Variants in C4orf17 observed in about 807,000 individuals in gnomAD.
The protein encoded by C4orf17 is uncharacterized protein C4orf17.
C4orf17 carries 25 observed loss-of-function variants against 32.0 expected under a neutral mutation model. The ratio of observed to expected loss-of-function variants is 0.78; its 90% CI spans 0.57 to 1.09. C4orf17 has a LOEUF of 1.09. Ranked by LOEUF, C4orf17 falls within the 50% of genes least tolerant of loss-of-function variation. The pLI, the probability that C4orf17 is intolerant of heterozygous loss-of-function variation, is 0.00. For missense variants in C4orf17, 420 were observed against 420.0 expected (o/e 1.00, Z 0.00); for synonymous variants, 149 against 145.8 (o/e 1.02, Z -0.16).
intron 8 of C4orf17, 134 bp from the exon 9 acceptor site, chr4:99,541,776 T>C: frequency 1.5e-6 from 1 of 662,778 alleles, no homozygotes; most frequent in Non-Finnish European, 2.6e-6. Context: ...AATATATTCT[T>C]TTGTGAATTT....
At chr4:99,523,504 A>G (rs897668899) in intron 3 of C4orf17, among the ~76,000 whole-genome samples, 10 of 152,178 alleles carry the variant, frequency 6.6e-5, no homozygotes, top group Admixed American at 6.5e-4. Context: ...TCATCCTTTC[A>G]AGAATTTCTC....
chr4:99,540,012 T>C (rs978379576), intron 7 of C4orf17, among the ~76,000 whole-genome samples: 4 of 152,092 alleles, frequency 2.6e-5, no homozygotes, highest in African/African-American at 9.7e-5. Flanking sequence ...AGAGAAAATC[T>C]TGTTGCTTTA....
In C4orf17 at chr4:99,530,299, T is replaced by C. The variant is rs567299281; in HGVS notation, c.546+341T>C. ...TTAATGTCTTGCCGCAATCTATACA[T>C]TTACTTCTCATATTTTAAAGCATAG... On this transcript the variant is annotated intron_variant, in intron 5 of 8. Coordinates refer to ENST00000326581, the MANE Select transcript of C4orf17 (RefSeq NM_032149.3). Among the ~76,000 whole-genome samples, 112 of 152,252 alleles carry C rather than the reference T, an allele frequency of 7.4e-4. 1 individual carries two copies. The highest frequency in any genetic ancestry group is 2.0e-3 in the African/African-American group (84 of 41,570).
chr4:99,516,043 C>T (rs1723175061), intron 2 of C4orf17, among the ~76,000 whole-genome samples: 1 of 152,182 alleles, frequency 6.6e-6, no homozygotes, highest in Non-Finnish European at 1.5e-5. Context: ...GAACAAATCA[C>T]ATATCCTTTG....
chr4:99,525,102 G>A (rs1723363950), intron 4 of C4orf17, among the ~76,000 whole-genome samples: 1 of 152,098 alleles, frequency 6.6e-6, no homozygotes, highest in Admixed American at 6.5e-5. Flanking sequence ...GGACATTTAG[G>A]TCCTTCCCAA....
chr4:99,522,449 A>G (rs1268601138), intron 2 of C4orf17, 51 bp from the exon 3 acceptor site: 2 of 1,396,622 alleles, frequency 1.4e-6, no homozygotes, highest in Admixed American at 3.5e-5. Context: ...CCTTCCAAAC[A>G]TCTAATCTGG....
At chr4:99,525,842 A>G (rs1157722491) in intron 4 of C4orf17, among the ~76,000 whole-genome samples, 1 of 152,000 alleles carries the variant, frequency 6.6e-6, no homozygotes, top group Admixed American at 6.6e-5. Flanking sequence ...TAATGTTGTA[A>G]AAGTTCTTCA....
rs770638582 is a variant in C4orf17, at chr4:99,537,709, T to C, written c.587T>C (p.Leu196Pro). 4.3e-6 allele frequency: 7 copies of C among 1,612,930 alleles called. No individual in the cohort carries two copies. Among genetic ancestry groups the C allele is most frequent in the Non-Finnish European group, 5.9e-6 (7 of 1,179,866 alleles). ...TGTAGCATTTTGCATACTGATTCTC[T>C]GGCAGAAGTTTTACAGTGGCTGCTT... is the stretch of plus-strand genomic sequence containing the variant. ...KLCSILHTDS[L>P]AEVLQWLLHA... Residue 196 changes from leucine (L) to proline (P), a missense_variant, in exon 6 of 9, where the codon CTG becomes CCG. Transcript: ENST00000326581.
At chr4:99,529,561 T>C (rs1033353832) in intron 4 of C4orf17, among the ~76,000 whole-genome samples, 5 of 152,216 alleles carry the variant, frequency 3.3e-5, no homozygotes, top group Non-Finnish European at 5.9e-5. Flanking sequence ...AGGTCATACA[T>C]TGCATATTAC....
chr4:99,537,361 C>T (rs1723579114), intron 5 of C4orf17, among the ~76,000 whole-genome samples: 2 of 152,128 alleles, frequency 1.3e-5, no homozygotes, highest in African/African-American at 2.4e-5. Flanking sequence ...TTTATTCATC[C>T]GTTGTTGAGG....
At chr4:99,522,307 A>G (rs1723298833) in intron 2 of C4orf17, among the ~76,000 whole-genome samples, 193 bp from the exon 3 acceptor site, 1 of 151,746 alleles carries the variant, frequency 6.6e-6, no homozygotes, top group Non-Finnish European at 1.5e-5. Flanking sequence ...GGCCACACTG[A>G]CTTTCAAAGA....
At chr4:99,511,359 A>G (rs373579274) in intron 1 of C4orf17, 87 bp downstream of exon 1, 94 of 152,184 alleles carry the variant, frequency 6.2e-4, no homozygotes, top group African/African-American at 2.0e-3. Context: ...TCTTTTTTCA[A>G]GAGTATGTGA....
intron 2 of C4orf17, 75 bp downstream of exon 2, chr4:99,513,283 C>A: frequency 6.5e-7 from 1 of 1,543,162 alleles, no homozygotes; most frequent in Non-Finnish European, 8.9e-7. Context: ...GGCAGGTAAA[C>A]ACAACGCTGC....
chr4:99,523,297 G>T (rs1723328615), intron 3 of C4orf17, among the ~76,000 whole-genome samples: 1 of 152,142 alleles, frequency 6.6e-6, no homozygotes, highest in African/African-American at 2.4e-5. Flanking sequence ...AATTCTGCAT[G>T]GTAGAAATTA....
At chr4:99,537,874 A>T (rs1723587336) in intron 6 of C4orf17, 124 bp downstream of exon 6, 2 of 724,944 alleles carry the variant, frequency 2.8e-6, no homozygotes, top group Non-Finnish European at 2.4e-6. Context: ...TTATTTCCGC[A>T]ATGTTTCAGT....
At chr4:99,521,746 T>C (rs1343899782) in intron 2 of C4orf17, among the ~76,000 whole-genome samples, 1 of 152,212 alleles carries the variant, frequency 6.6e-6, no homozygotes, top group Non-Finnish European at 1.5e-5. Flanking sequence ...ATACCTGTCA[T>C]AACTCATTGA....
At chr4:99,536,386 G>A (rs1424771503) in intron 5 of C4orf17, among the ~76,000 whole-genome samples, 1 of 152,212 alleles carries the variant, frequency 6.6e-6, no homozygotes, top group Non-Finnish European at 1.5e-5. Flanking sequence ...GTCCCAGGGG[G>A]AGATCAGAGC....
chr4:99,530,089 C>A, intron 5 of C4orf17, 131 bp downstream of exon 5: 1 of 688,444 alleles, frequency 1.5e-6, no homozygotes, highest in African/African-American at 1.9e-5. Flanking sequence ...GACTGCTTAG[C>A]CTGAAATCCA....
At position 99,513,143 on chromosome 4, in the gene C4orf17, C is replaced by G. The variant is rs763635728; in HGVS notation, c.62C>G (p.Ala21Gly). 2 of 1,613,954 alleles carry G rather than the reference C, an allele frequency of 1.2e-6. No homozygotes were observed. Among genetic ancestry groups the G allele is most frequent in the Non-Finnish European group, 1.7e-6 (2 of 1,179,866 alleles). Residue 21 changes from alanine (A) to glycine (G), a missense_variant, in exon 2 of 9, where the codon GCT becomes GGT. Physicochemically the swap from Ala to Gly is moderately conservative, Grantham distance 60. Transcript: ENST00000326581. Reference protein sequence around the residue: ...QIEGKGSHIMARNVSCFLVRH... With the variant: ...QIEGKGSHIMGRNVSCFLVRH... ...GAGGGCAAAGGCAGCCATATTATGGCTAGAAATGTAAGCTGCTTTCTAGTC... is the reference window on the plus strand; with the variant it reads ...GAGGGCAAAGGCAGCCATATTATGGGTAGAAATGTAAGCTGCTTTCTAGTC...
Sources: gnomAD v4.1 joint callset for allele counts (sites outside exome capture counted in the v4.1 genomes callset) on GRCh38, gnomAD v4.1.1 for gene constraint, MANE v1.5 for transcripts, NCBI Gene and HGNC (gene_info 2026-07-23, HGNC 2026-07-21) for gene names.